Variants in MEGF11 observed in about 807,000 individuals in gnomAD.
MEGF11 encodes multiple EGF like domains 11, also known as multiple epidermal growth factor-like domains protein 11.
Under a neutral mutation model 146.6 loss-of-function variants are expected in MEGF11, and 126 were observed. That is an observed-to-expected ratio of 0.86 (90% CI 0.74 to 1.00). MEGF11 has a LOEUF of 1.00. Ranked by LOEUF, MEGF11 falls within the 50% of genes least tolerant of loss-of-function variation. MEGF11 has a pLI of 0.00. For missense variants in MEGF11, 1,509 were observed against 1,521.2 expected, an observed-to-expected ratio of 0.99 and a Z score of 0.13; for synonymous variants, 532 against 583.4, an observed-to-expected ratio of 0.91 and a Z score of 1.27.
chr15:66,136,924 T>A (rs1335901215), intron 1 of MEGF11, among the ~76,000 whole-genome samples: 1 of 152,114 alleles, frequency 6.6e-6, no homozygotes, highest in Non-Finnish European at 1.5e-5. Flanking sequence ...TCCTAACTAC[T>A]AGGGAGGTTG....
At position 65,916,847 on chromosome 15, in the gene MEGF11, AG is replaced by A. The variant is rs984436107; in HGVS notation, c.2195del (p.Thr732MetfsTer68). On this transcript the variant is annotated frameshift_variant, in exon 17 of 26. Coordinates refer to ENST00000395614, the MANE Select transcript of MEGF11 (RefSeq NM_001385028.1). LOFTEE classifies it high-confidence loss of function. ...DGACHCTPGW[T>X]GLFCTQRCPA... ...GCTTACGCTGTGTGCAGAAGAGTCC[AG>A]TCCAGCCAGGGGTGCAGTGGCAGGC... is the stretch of plus-strand genomic sequence containing the variant. 6.2e-7 allele frequency: 1 copy of A among 1,605,244 alleles called. No individual in the cohort carries two copies. The highest frequency in any genetic ancestry group is 8.5e-7 in the Non-Finnish European group (1 of 1,174,338).
rs114532444 is a variant in MEGF11, at chr15:66,196,056, A to C, written c.-9+57549T>G. ...ACAGTATGTGCAAAGGCCCTGAGGC[A>C]GGAGGGCACACAGAGCACTCAGAGC... On this transcript the variant is annotated intron_variant, in intron 1 of 25. Coordinates refer to ENST00000395614, the MANE Select transcript of MEGF11 (RefSeq NM_001385028.1). Among the ~76,000 whole-genome samples the C allele has an allele frequency of 7.1e-3, 1,089 of 152,344 alleles. 12 individuals carry two copies. Among genetic ancestry groups the C allele is most frequent in the East Asian group, 0.047 (242 of 5,190 alleles).
At chr15:65,906,057 A>G in intron 24 of MEGF11, 28 bp downstream of exon 24, 1 of 1,585,648 alleles carries the variant, frequency 6.3e-7, no homozygotes, top group Non-Finnish European at 8.6e-7. Context: ...AGCCCTCTGT[A>G]ATAAGACAGC....
In MEGF11 at chr15:66,119,237, C is replaced by T. The variant is rs189492266; in HGVS notation, c.201-51G>A. ...TGAAAGTATTGAAAATCAATCACTC[C>T]CATTTAGAATGATATTTGTGTTAAG... On this transcript the variant is annotated intron_variant, in intron 3 of 25. Transcript: ENST00000395614. The T allele has an allele frequency of 7.2e-5, 90 of 1,247,826 alleles. No homozygotes were observed. In the African/African-American group the frequency reaches 1.3e-3, roughly 18 times the overall value. The allele number at this position is 1,247,826 out of a possible 1,614,324, so 77.3% of individuals were successfully genotyped here.
chr15:66,125,351 C>T (rs995859610), intron 2 of MEGF11, among the ~76,000 whole-genome samples: 7 of 152,216 alleles, frequency 4.6e-5, no homozygotes, highest in Admixed American at 2.0e-4. Context: ...TCCAGCCACC[C>T]AGAGTCCTCT....
intron 1 of MEGF11, among the ~76,000 whole-genome samples, chr15:66,137,594 C>T (rs61480315): frequency 0.023 from 3,352 of 147,324 alleles, 72 homozygotes; most frequent in South Asian, 0.074. Context: ...TCTCTGTCAT[C>T]CAGGCTGGAG....
rs1360203313 is a variant in MEGF11, at chr15:65,897,921, A to C, written c.*13T>G. On this transcript the variant is annotated 3_prime_UTR_variant, in exon 26 of 26. Coordinates refer to ENST00000395614, the MANE Select transcript of MEGF11 (RefSeq NM_001385028.1). ...TTCAGTAGAGCACACTGCAAGAGAGAAGCTTATCCCTCTTAAGATTGCTTG... is the reference window on the plus strand; with the variant it reads ...TTCAGTAGAGCACACTGCAAGAGAGCAGCTTATCCCTCTTAAGATTGCTTG... 3.7e-6 allele frequency: 6 copies of C among 1,611,916 alleles called. No individual in the cohort carries two copies. Among genetic ancestry groups the C allele is most frequent in the Non-Finnish European group, 5.1e-6 (6 of 1,179,070 alleles).
intron 1 of MEGF11, among the ~76,000 whole-genome samples, chr15:66,252,215 GCACCCCC>G (rs1567299611): frequency 1.4e-5 from 2 of 146,270 alleles, no homozygotes; most frequent in Non-Finnish European, 3.1e-5. Context: ...GCCGCGAGCC[GCACCCCC>G]CGCCCCCCAC....
At chr15:66,023,746 T>C (rs1336783461) in intron 5 of MEGF11, among the ~76,000 whole-genome samples, 1 of 152,176 alleles carries the variant, frequency 6.6e-6, no homozygotes, top group Non-Finnish European at 1.5e-5. Context: ...GGGCAGATAA[T>C]TGCAGTGAAG....
rs779135172 is a variant in MEGF11, at chr15:65,913,889, G to T, written c.2558C>A (p.Thr853Lys). Reference sequence around the variant, plus strand: ...GAGGAATAACAGGAGCATGATGCCTGTGACAGCACCCACCGAGTGCCGCTC... The same window carrying T: ...GAGGAATAACAGGAGCATGATGCCTTTGACAGCACCCACCGAGTGCCGCTC... ...GAERHSVGAV[T>K]GIMLLLFLIV... The change falls in exon 20 of 26, where the codon ACA becomes AAA. Residue 853 changes from threonine (T) to lysine (K), a missense_variant. Transcript: ENST00000395614. The T allele has an allele frequency of 1.9e-5, 30 of 1,613,912 alleles. No individual in the cohort carries two copies. Among genetic ancestry groups the T allele is most frequent in the Middle Eastern group, 1.6e-4 (1 of 6,084 alleles).
At chr15:66,084,356 G>T (rs1025406778) in intron 5 of MEGF11, among the ~76,000 whole-genome samples, 1 of 152,170 alleles carries the variant, frequency 6.6e-6, no homozygotes, top group African/African-American at 2.4e-5. Context: ...CAATGCGGCG[G>T]CTTGCAGTGT....
intron 19 of MEGF11, among the ~76,000 whole-genome samples, chr15:65,914,837 G>A (rs935443441): frequency 3.9e-5 from 6 of 152,200 alleles, no homozygotes; most frequent in African/African-American, 1.4e-4. Flanking sequence ...CATGTTTGCA[G>A]CACATTATAA....
rs556841276 is a variant in MEGF11 at position 65,957,533 on chromosome 15, C to G, written c.1287+14G>C. On this transcript the variant is annotated intron_variant, in intron 10 of 25. Transcript: ENST00000395614. ...GGAGGTCAGGAAGGCCACGGGAGGC[C>G]CCTCCCATCTTACCATGAAGCCCGG... is the stretch of plus-strand genomic sequence containing the variant. 6.2e-7 allele frequency: 1 copy of G among 1,610,208 alleles called. No individual in the cohort carries two copies. The highest frequency in any genetic ancestry group is 2.2e-5 in the East Asian group (1 of 44,810).
chr15:66,054,191 C>T (rs1190358046), intron 5 of MEGF11, among the ~76,000 whole-genome samples: 1 of 152,198 alleles, frequency 6.6e-6, no homozygotes, highest in Non-Finnish European at 1.5e-5. Context: ...TAAGTGCCTG[C>T]CTGGTTGCGT....
intron 1 of MEGF11, among the ~76,000 whole-genome samples, chr15:66,250,170 C>G (rs1266255165): frequency 2.6e-5 from 4 of 152,224 alleles, no homozygotes; most frequent in Non-Finnish European, 4.4e-5. Context: ...GGCAGAAGAT[C>G]TGCACAGCAG....
At chr15:66,033,336 G>T (rs1478519700) in intron 5 of MEGF11, among the ~76,000 whole-genome samples, 3 of 152,116 alleles carry the variant, frequency 2.0e-5, no homozygotes, top group Non-Finnish European at 4.4e-5. Flanking sequence ...GAATGGTTTT[G>T]GGGGAAGGGC....
At chr15:65,918,178 C>T in intron 15 of MEGF11, 84 bp from the exon 16 acceptor site, 1 of 1,566,512 alleles carries the variant, frequency 6.4e-7, no homozygotes, top group South Asian at 1.2e-5. Flanking sequence ...TAGAAGTTCC[C>T]AAGCCACAGC....
intron 25 of MEGF11, 172 bp from the exon 26 acceptor site, chr15:65,898,266 AT>A: frequency 1.0e-6 from 1 of 985,404 alleles, no homozygotes; most frequent in Non-Finnish European, 1.2e-6. Flanking sequence ...AACTAAGTGA[AT>A]GTGCTGTCAA....
chr15:66,077,631 G>A lies in MEGF11; in HGVS notation c.394+16771C>T, dbSNP rs571823351. ...ACCTTCCATGTGCCAGGCAGCATGA[G>A]GTGCTCCAGGTCATAGAGACAAGAA... On this transcript the variant is annotated intron_variant, in intron 5 of 25. Transcript: ENST00000395614. Among the ~76,000 whole-genome samples the A allele has an allele frequency of 4.6e-5, 7 of 152,328 alleles. No individual in the cohort carries two copies. In the South Asian group the frequency reaches 1.2e-3, roughly 27 times the overall value.
Sources: gnomAD v4.1 joint callset for allele counts (sites outside exome capture counted in the v4.1 genomes callset) on GRCh38, gnomAD v4.1.1 for gene constraint, MANE v1.5 for transcripts, NCBI Gene and HGNC (gene_info 2026-07-23, HGNC 2026-07-21) for gene names.